SLC24A2: variants seen among roughly 807,000 people sequenced by gnomAD.
The protein encoded by SLC24A2 is solute carrier family 24 member 2.
SLC24A2 carries 36 observed loss-of-function variants against 62.0 expected under a neutral mutation model. That is an observed-to-expected ratio of 0.58 (90% confidence interval 0.44 to 0.77). The LOEUF (loss-of-function observed/expected upper bound fraction) is 0.77, where lower values mean the gene tolerates loss of function less well. SLC24A2 is among the 30% of genes least tolerant of loss of function. The pLI is 0.00. For synonymous variants in SLC24A2, 358 were observed against 294.0 expected, an observed-to-expected ratio of 1.22 and a Z score of -2.23; for missense variants, 846 against 817.9, an observed-to-expected ratio of 1.03 and a Z score of -0.42.
chr9:19,699,790 A>G (rs950253646), intron 2 of SLC24A2, among the ~76,000 whole-genome samples: 2 of 152,092 alleles, frequency 1.3e-5, no homozygotes, highest in African/African-American at 4.8e-5. Context: ...CCATTATTTA[A>G]TAATTTAGAA....
chr9:19,937,376 A>G, the SLC24A2 span, among the ~76,000 whole-genome samples: 1 of 152,216 alleles, frequency 6.6e-6, no homozygotes, highest in African/African-American at 2.4e-5. Context: ...TTTTTCCCTT[A>G]GAATTCTCAA....
At chr9:19,856,981 T>C in the SLC24A2 span, among the ~76,000 whole-genome samples, 1 of 152,334 alleles carries the variant, frequency 6.6e-6, no homozygotes, top group South Asian at 2.1e-4. Flanking sequence ...ACATTTCTTT[T>C]AGGGTTGGGG....
At chr9:20,136,330 A>G in the SLC24A2 span, among the ~76,000 whole-genome samples, 3 of 152,286 alleles carry the variant, frequency 2.0e-5, no homozygotes, top group African/African-American at 7.2e-5. Flanking sequence ...GAGTACTAAG[A>G]GGATTCAAGA....
At chr9:19,946,607 C>T in the SLC24A2 span, among the ~76,000 whole-genome samples, 5 of 152,218 alleles carry the variant, frequency 3.3e-5, no homozygotes, top group Non-Finnish European at 7.3e-5. Context: ...ACCAGGTCAT[C>T]TCCTGAGTTA....
the SLC24A2 span, among the ~76,000 whole-genome samples, chr9:19,986,705 G>T: frequency 6.6e-6 from 1 of 152,160 alleles, no homozygotes; most frequent in East Asian, 1.9e-4. Flanking sequence ...ATTACATATT[G>T]TATGATTCCA....
At chr9:19,920,806 G>T in the SLC24A2 span, among the ~76,000 whole-genome samples, 316 of 152,248 alleles carry the variant, frequency 2.1e-3, 1 homozygote, top group Non-Finnish European at 3.6e-3. Context: ...CCTACATGAC[G>T]TGTATCGATC....
chr9:20,106,565 A>G, the SLC24A2 span, among the ~76,000 whole-genome samples: 1 of 152,230 alleles, frequency 6.6e-6, no homozygotes. Context: ...AATAAATGTA[A>G]TCCAGCATGT....
chr9:20,071,741 A>G, the SLC24A2 span, among the ~76,000 whole-genome samples: 134 of 152,180 alleles, frequency 8.8e-4, no homozygotes, highest in African/African-American at 2.9e-3. Flanking sequence ...CTCTGGATAG[A>G]CAGTTTCAGA....
the SLC24A2 span, among the ~76,000 whole-genome samples, chr9:20,276,495 G>A: frequency 6.6e-6 from 1 of 152,222 alleles, no homozygotes; most frequent in African/African-American, 2.4e-5. Flanking sequence ...TTCATGGGCT[G>A]GCATTGAGTG....
the SLC24A2 span, among the ~76,000 whole-genome samples, chr9:20,161,954 A>T: frequency 6.6e-6 from 1 of 151,904 alleles, no homozygotes; most frequent in South Asian, 2.1e-4. Context: ...CAACAAAATA[A>T]TTAGATGCAT....
chr9:20,019,445 C>T, the SLC24A2 span, among the ~76,000 whole-genome samples: 3 of 152,094 alleles, frequency 2.0e-5, no homozygotes, highest in Non-Finnish European at 4.4e-5. Context: ...GAATCCTTTC[C>T]CCATTGCTTG....
the SLC24A2 span, among the ~76,000 whole-genome samples, chr9:20,034,553 C>G: frequency 6.6e-6 from 1 of 151,226 alleles, no homozygotes; most frequent in South Asian, 2.1e-4. Flanking sequence ...TCTGCACCCC[C>G]CACCCCGGGT....
rs187743916 is a variant in SLC24A2 at position 19,510,607 on chromosome 9, G to A, written c.*5546C>T. The A allele has an allele frequency of 4.6e-5, 7 of 152,310 alleles. No homozygotes were observed. The highest frequency in any genetic ancestry group is 3.9e-4 in the Admixed American group (6 of 15,302). The allele number at this position is 152,310 out of a possible 1,614,324, so 9.4% of individuals were successfully genotyped here. On this transcript the variant is annotated 3_prime_UTR_variant, in exon 11 of 11. Transcript: ENST00000341998. ...GACTGTCCTTTGGATTAGCGTGATA[G>A]GCTAGACAAACCCTCTTAATGGAAT...
chr9:19,960,767 T>C, the SLC24A2 span, among the ~76,000 whole-genome samples: 2 of 152,106 alleles, frequency 1.3e-5, no homozygotes, highest in African/African-American at 2.4e-5. Flanking sequence ...CAAGCTGTGG[T>C]TTACTCCTGT....
At chr9:20,273,858 GT>G in the SLC24A2 span, among the ~76,000 whole-genome samples, 2 of 152,190 alleles carry the variant, frequency 1.3e-5, no homozygotes, top group Non-Finnish European at 1.5e-5. Context: ...AAAAAGGACA[GT>G]TTTACCCATT....
the SLC24A2 span, among the ~76,000 whole-genome samples, chr9:19,984,788 T>C: frequency 6.6e-6 from 1 of 152,102 alleles, no homozygotes; most frequent in Non-Finnish European, 1.5e-5. Context: ...AGCAAAAGAA[T>C]AGTCTTTTTA....
At chr9:19,543,375 G>A (rs1392751633) in intron 8 of SLC24A2, among the ~76,000 whole-genome samples, 1 of 144,990 alleles carries the variant, frequency 6.9e-6, no homozygotes, top group African/African-American at 2.5e-5. Context: ...CAAGAAACCA[G>A]CTCCTGGATT....
chr9:19,816,449 G>C, the SLC24A2 span, among the ~76,000 whole-genome samples: 2 of 152,122 alleles, frequency 1.3e-5, no homozygotes, highest in Non-Finnish European at 2.9e-5. Flanking sequence ...TGAATGACCA[G>C]CCACTTCCTA....
chr9:20,293,632 C>T, the SLC24A2 span, among the ~76,000 whole-genome samples: 3 of 152,156 alleles, frequency 2.0e-5, no homozygotes, highest in Non-Finnish European at 4.4e-5. Flanking sequence ...TATGCACATA[C>T]CCTTCACTGG....
Sources: allele counts gnomAD v4.1 joint callset (sites outside exome capture counted in the v4.1 genomes callset), GRCh38; gene constraint gnomAD v4.1.1; transcripts MANE v1.5; gene names NCBI Gene and HGNC (gene_info 2026-07-23, HGNC 2026-07-21).